The following B9D2 variants were observed in gnomAD, a reference collection of about 807,000 sequenced individuals.
B9D2 encodes the protein B9 domain-containing protein 2.
B9D2 carries 21 observed loss-of-function variants against 19.2 expected under a neutral mutation model. The ratio of observed to expected loss-of-function variants is 1.09; its 90% CI spans 0.78 to 1.58. The LOEUF is 1.58. Ranked by LOEUF, B9D2 falls within the 40% of genes most tolerant of loss-of-function variation. B9D2 has a pLI of 0.00. For synonymous variants in B9D2, 91 were observed against 100.6 expected (o/e 0.90, Z 0.57); for missense variants, 221 against 244.3 (o/e 0.90, Z 0.64).
intron 3 of B9D2, among the ~76,000 whole-genome samples, chr19:41,355,325 T>C (rs1236201962): frequency 6.6e-6 from 1 of 152,192 alleles, no homozygotes; most frequent in African/African-American, 2.4e-5. Flanking sequence ...CTCTGCTGAA[T>C]TTCCTCTCTG....
chr19:41,355,880 G>C (rs902886689), intron 3 of B9D2, among the ~76,000 whole-genome samples: 1 of 152,198 alleles, frequency 6.6e-6, no homozygotes, highest in African/African-American at 2.4e-5. Flanking sequence ...TGACATTTGA[G>C]CAAATGCTAA....
intron 2 of B9D2, among the ~76,000 whole-genome samples, chr19:41,359,972 C>T (rs1349365620): frequency 6.6e-6 from 1 of 152,112 alleles, no homozygotes; most frequent in African/African-American, 2.4e-5. Context: ...AGGGCCTTTG[C>T]ACTGGCTGTT....
At chr19:41,361,910 T>C (rs1599909989) in intron 2 of B9D2, among the ~76,000 whole-genome samples, 1 of 64,016 alleles carries the variant, frequency 1.6e-5, no homozygotes, top group South Asian at 5.4e-4. Flanking sequence ...TGAAACCCCA[T>C]CTCTACTAAA....
rs762280782 is a variant in B9D2 at position 41,363,449 on chromosome 19, T to G, written c.71A>C (p.Lys24Thr). ...SGFSESSLFC[K>T]WGIHTGAAWK... ...GGGAATACCTGTGTGAATGCCCCAC[T>G]TGCAGAAGAGGCTACTTTCCGAGAA... Residue 24 changes from lysine (K) to threonine (T), a missense_variant, in exon 2 of 4, where the codon AAG (lysine) becomes ACG (threonine). Coordinates refer to ENST00000243578, the MANE Select transcript of B9D2 (RefSeq NM_030578.4). The G allele has an allele frequency of 6.2e-7, 1 of 1,614,150 alleles. No homozygotes were observed. Among genetic ancestry groups the G allele is most frequent in the Non-Finnish European group, 8.5e-7 (1 of 1,180,026 alleles).
At chr19:41,363,819 A>T (rs2038457560) in intron 1 of B9D2, 139 bp downstream of exon 1, 1 of 542,040 alleles carries the variant, frequency 1.8e-6, no homozygotes, top group Admixed American at 3.2e-5. Context: ...GGCTCCGCCC[A>T]CGAGCGCAAA....
chr19:41,359,540 A>G (rs1251055984), intron 2 of B9D2, among the ~76,000 whole-genome samples: 1 of 151,882 alleles, frequency 6.6e-6, no homozygotes, highest in Non-Finnish European at 1.5e-5. Flanking sequence ...ATCTCTACTA[A>G]AAAAATACAA....
chr19:41,354,923 C>A lies in B9D2; in HGVS notation c.305G>T (p.Ser102Ile). 3 of 1,613,366 alleles carry A rather than the reference C, an allele frequency of 1.9e-6. No individual in the cohort carries two copies. The highest frequency in any genetic ancestry group is 1.1e-5 in the South Asian group (1 of 91,024). The stretch of plus-strand genomic sequence containing the variant: ...GCAGGCCAGCTGGTGGGTGCCCGGG[C>A]TACTGGGCACATGGCAAAATCCATA... Reference protein sequence around the residue: ...AGYGFCHVPSSPGTHQLACPT... With the variant: ...AGYGFCHVPSIPGTHQLACPT... The change falls in exon 4 of 4, where the codon AGC (serine) becomes ATC (isoleucine). Residue 102 changes from serine (S) to isoleucine (I), a missense_variant. Transcript: ENST00000243578.
intron 2 of B9D2, among the ~76,000 whole-genome samples, chr19:41,358,521 AT>A (rs2038352218): frequency 6.6e-6 from 1 of 152,078 alleles, no homozygotes; most frequent in South Asian, 2.1e-4. Flanking sequence ...CCATTAACCC[AT>A]TAATCCATGA....
At chr19:41,356,858 A>T (rs1355970020) in intron 3 of B9D2, among the ~76,000 whole-genome samples, 1 of 151,890 alleles carries the variant, frequency 6.6e-6, no homozygotes, top group Admixed American at 6.6e-5. Flanking sequence ...CTCCAAAAAA[A>T]AAAAGGTGAA....
chr19:41,363,380 G>C, intron 2 of B9D2, 52 bp downstream of exon 2: 1 of 1,568,464 alleles, frequency 6.4e-7, no homozygotes, highest in Non-Finnish European at 8.8e-7. Flanking sequence ...GGAGCATGTA[G>C]CCTCTAGGCT....
At chr19:41,363,046 A>AT (rs199538573) in intron 2 of B9D2, 2 of 258,402 alleles carry the variant, frequency 7.7e-6, no homozygotes, top group Non-Finnish European at 7.8e-6. Context: ...GGAGTTCGAG[A>AT]CCAGCCTGGG....
At chr19:41,363,178 C>G (rs558739330) in intron 2 of B9D2, 5 of 520,318 alleles carry the variant, frequency 9.6e-6, no homozygotes, top group African/African-American at 1.9e-5. Context: ...CCCGAGAGTT[C>G]GAGGCTGCAC....
chr19:41,354,577 C>G lies in B9D2; in HGVS notation c.*123G>C, dbSNP rs1021189795. 1.5e-6 allele frequency: 2 copies of G among 1,308,222 alleles called. No homozygotes were observed. Among genetic ancestry groups the G allele is most frequent in the Non-Finnish European group, 2.2e-6 (2 of 927,674 alleles). 81.0% of individuals were successfully genotyped at this position (1,308,222 alleles called of 1,614,324 possible). On this transcript the variant is annotated 3_prime_UTR_variant, in exon 4 of 4. Coordinates refer to ENST00000243578, the MANE Select transcript of B9D2 (RefSeq NM_030578.4). ...GGTCCTAGAAAGGACAGAAGCGGTG[C>G]CATGCCTTAGCTGGGGTCAGCTCTG...
chr19:41,359,288 T>C (rs936584588), intron 2 of B9D2, among the ~76,000 whole-genome samples: 2 of 151,254 alleles, frequency 1.3e-5, no homozygotes, highest in Non-Finnish European at 2.9e-5. Flanking sequence ...AAAATTAGGA[T>C]GGGCGCAGTG....
intron 3 of B9D2, among the ~76,000 whole-genome samples, chr19:41,355,454 T>C (rs4803457): frequency 0.59 from 89,367 of 151,938 alleles, 26,667 homozygotes; most frequent in Non-Finnish European, 0.61. Context: ...TGCCCTGCTC[T>C]CTTTGGGCCC....
chr19:41,355,064 C>G, intron 3 of B9D2, 51 bp from the exon 4 acceptor site: 1 of 1,455,530 alleles, frequency 6.9e-7, no homozygotes, highest in Non-Finnish European at 9.2e-7. Flanking sequence ...GGACCAGACT[C>G]CTGCTGATTC....
chr19:41,360,666 C>T (rs1372919276), intron 2 of B9D2, among the ~76,000 whole-genome samples: 1 of 150,008 alleles, frequency 6.7e-6, no homozygotes, highest in African/African-American at 2.5e-5. Context: ...CCGCCATGCC[C>T]AGCTAATTTT....
At chr19:41,357,585 C>A (rs764877833) in intron 3 of B9D2, among the ~76,000 whole-genome samples, 1 of 152,160 alleles carries the variant, frequency 6.6e-6, no homozygotes, top group South Asian at 2.1e-4. Flanking sequence ...CCCTGCCTCC[C>A]GGCTTCCTCT....
At chr19:41,357,828 C>G in intron 3 of B9D2, 69 bp downstream of exon 3, 1 of 1,599,580 alleles carries the variant, frequency 6.3e-7, no homozygotes. Context: ...GTGTTCCCAG[C>G]CCCAGGGACC....
Sources: allele counts gnomAD v4.1 joint callset (sites outside exome capture counted in the v4.1 genomes callset), GRCh38; gene constraint gnomAD v4.1.1; transcripts MANE v1.5; gene names NCBI Gene and HGNC (gene_info 2026-07-23, HGNC 2026-07-21).